Variants in ITSN1 observed in about 807,000 individuals in gnomAD.
The protein encoded by ITSN1 is intersectin 1, also known as intersectin-1.
A neutral mutation model predicts 239.8 loss-of-function variants in ITSN1; 58 were observed. The observed-to-expected ratio is 0.24, with a 90% CI of 0.20 to 0.30. The LOEUF (loss-of-function observed/expected upper bound fraction) is 0.30, where lower values mean the gene tolerates loss of function less well. ITSN1 is among the 10% of genes least tolerant of loss of function. ITSN1 has a pLI of 1.00. For synonymous variants in ITSN1, 780 were observed against 770.8 expected (o/e 1.01, Z -0.20); for missense variants, 1,558 against 2,103.3 (o/e 0.74, Z 5.07).
rs1986300385 is a variant in ITSN1, at chr21:33,890,674, TG to T, written c.*2375del. The T allele has an allele frequency of 6.6e-6, 1 of 152,176 alleles. No homozygotes were observed. Among genetic ancestry groups the T allele is most frequent in the African/African-American group, 2.4e-5 (1 of 41,440 alleles). The allele number at this position is 152,176 out of a possible 1,614,324, so 9.4% of individuals were successfully genotyped here. ...TGTCACAGGGATTGAGAAACATGGG[TG>T]ATGCATGGAGTCTCAAACCATTGGG... is the stretch of plus-strand genomic sequence containing the variant. On this transcript the variant is annotated 3_prime_UTR_variant, in exon 40 of 40. Coordinates refer to ENST00000381318, the MANE Select transcript of ITSN1 (RefSeq NM_003024.3).
At chr21:33,686,278 C>T (rs1477155417) in intron 1 of ITSN1, among the ~76,000 whole-genome samples, 3 of 151,862 alleles carry the variant, frequency 2.0e-5, no homozygotes, top group African/African-American at 7.3e-5. Flanking sequence ...AGCTTCTTTA[C>T]AGATAGGTGC....
At chr21:33,717,705 G>A (rs2065239020) in intron 1 of ITSN1, among the ~76,000 whole-genome samples, 2 of 150,692 alleles carry the variant, frequency 1.3e-5, no homozygotes, top group Admixed American at 6.7e-5. Flanking sequence ...ACAGGCGCCC[G>A]CCACCACGCC....
chr21:33,858,243 G>A (rs949182336), intron 30 of ITSN1, among the ~76,000 whole-genome samples: 2 of 152,216 alleles, frequency 1.3e-5, no homozygotes, highest in South Asian at 2.1e-4. Flanking sequence ...AGGAGCTGCC[G>A]CCTGGGCTGC....
At chr21:33,767,410 A>G (rs1370813057) in intron 10 of ITSN1, among the ~76,000 whole-genome samples, 1 of 152,172 alleles carries the variant, frequency 6.6e-6, no homozygotes, top group Non-Finnish European at 1.5e-5. Flanking sequence ...GCTCCCACTT[A>G]GTGCTCACCA....
At chr21:33,851,397 CT>C (rs1297384836) in intron 29 of ITSN1, among the ~76,000 whole-genome samples, 1 of 151,676 alleles carries the variant, frequency 6.6e-6, no homozygotes, top group East Asian at 1.9e-4. Context: ...TTTTTCTTTT[CT>C]TTTTTTTCTT....
At chr21:33,714,672 C>T (rs1042095330) in intron 1 of ITSN1, among the ~76,000 whole-genome samples, 1 of 152,086 alleles carries the variant, frequency 6.6e-6, no homozygotes, top group African/African-American at 2.4e-5. Flanking sequence ...TTAATGCCTT[C>T]AGTATCATAG....
chr21:33,824,564 C>T (rs549300725), intron 25 of ITSN1, among the ~76,000 whole-genome samples: 2 of 152,188 alleles, frequency 1.3e-5, no homozygotes, highest in East Asian at 3.9e-4. Context: ...CAGGAGTGAG[C>T]AAGTGGACAA....
At chr21:33,767,678 T>C (rs1161206028) in intron 10 of ITSN1, 35 bp from the exon 11 acceptor site, 1 of 1,229,914 alleles carries the variant, frequency 8.1e-7, no homozygotes, top group Non-Finnish European at 1.2e-6. Flanking sequence ...GACAGCTCTG[T>C]GTGAATCTAT....
intron 1 of ITSN1, among the ~76,000 whole-genome samples, chr21:33,676,925 A>G (rs1207968479): frequency 6.7e-6 from 1 of 148,982 alleles, no homozygotes; most frequent in African/African-American, 2.5e-5. Context: ...CAAACACTGC[A>G]TGTTCTCACT....
intron 27 of ITSN1, among the ~76,000 whole-genome samples, 184 bp downstream of exon 27, chr21:33,829,929 A>G (rs1031529923): frequency 1.4e-4 from 22 of 152,250 alleles, no homozygotes; most frequent in African/African-American, 5.3e-4. Flanking sequence ...AGCCGGTAAC[A>G]GATTTCTGAG....
intron 1 of ITSN1, among the ~76,000 whole-genome samples, chr21:33,709,300 C>G (rs901562975): frequency 3.9e-5 from 6 of 152,090 alleles, no homozygotes; most frequent in Non-Finnish European, 8.8e-5. Context: ...GTTTTCTTCG[C>G]AATATTTTGT....
At position 33,817,260 on chromosome 21, in the gene ITSN1, A is replaced by G. The variant is rs1481963493; in HGVS notation, c.2728-1007A>G. 3.1e-6 allele frequency: 4 copies of G among 1,304,168 alleles called. No individual in the cohort carries two copies. The East Asian group carries it at 1.7e-4, about 54-fold the overall frequency. 80.8% of individuals were successfully genotyped at this position (1,304,168 alleles called of 1,614,324 possible). On this transcript the variant is annotated intron_variant, in intron 22 of 39. Coordinates refer to ENST00000381318, the MANE Select transcript of ITSN1 (RefSeq NM_003024.3). ...ACTTCCTCCTCCACCCCTCCATGAGACTAGGCCACATGCAGCCCCGGATTG... is the reference window on the plus strand; with the variant it reads ...ACTTCCTCCTCCACCCCTCCATGAGGCTAGGCCACATGCAGCCCCGGATTG...
chr21:33,852,438 T>A (rs1978494911), intron 29 of ITSN1, among the ~76,000 whole-genome samples: 2 of 152,220 alleles, frequency 1.3e-5, no homozygotes, highest in African/African-American at 4.8e-5. Context: ...TCAGCATGTG[T>A]TTATGTATTA....
chr21:33,799,064 A>G (rs1168845871), intron 18 of ITSN1, among the ~76,000 whole-genome samples: 1 of 152,196 alleles, frequency 6.6e-6, no homozygotes, highest in Non-Finnish European at 1.5e-5. Flanking sequence ...TTTTCAGATA[A>G]GATAGGTATA....
chr21:33,794,797 A>C (rs951403606), intron 17 of ITSN1, among the ~76,000 whole-genome samples: 7 of 152,146 alleles, frequency 4.6e-5, no homozygotes, highest in Non-Finnish European at 8.8e-5. Flanking sequence ...CAGGGGTTGG[A>C]GTGCCTGGTT....
At chr21:33,833,217 T>A (rs1311529659) in intron 27 of ITSN1, among the ~76,000 whole-genome samples, 1 of 152,196 alleles carries the variant, frequency 6.6e-6, no homozygotes, top group Non-Finnish European at 1.5e-5. Flanking sequence ...TGTCCCTTCC[T>A]AACAGCATGG....
At chr21:33,763,603 T>C (rs1372581311) in intron 9 of ITSN1, among the ~76,000 whole-genome samples, 2 of 152,120 alleles carry the variant, frequency 1.3e-5, no homozygotes, top group Admixed American at 1.3e-4. Context: ...TGGTTGAGAA[T>C]TGCGGATCAG....
intron 24 of ITSN1, 62 bp downstream of exon 24, chr21:33,819,385 AATGAG>A: frequency 8.5e-7 from 1 of 1,170,770 alleles, no homozygotes; most frequent in Non-Finnish European, 1.3e-6. Context: ...AAATGTTTGA[AATGAG>A]ATTGAATTTC....
In ITSN1 at chr21:33,858,808, A is replaced by C; in HGVS notation, c.3890+16A>C. 1 of 1,543,318 alleles carries C rather than the reference A, an allele frequency of 6.5e-7. No individual in the cohort carries two copies. The highest frequency in any genetic ancestry group is 2.3e-5 in the East Asian group (1 of 44,390). Reference sequence around the variant, plus strand: ...AACTACTAAAGTAAGCCTCTCCTCTAATCCCCAGCCTGGCTTGGCCTCCTC... The same window carrying C: ...AACTACTAAAGTAAGCCTCTCCTCTCATCCCCAGCCTGGCTTGGCCTCCTC... On this transcript the variant is annotated intron_variant, in intron 31 of 39. Transcript: ENST00000381318.
Sources: gnomAD v4.1 joint callset for allele counts (sites outside exome capture counted in the v4.1 genomes callset) on GRCh38, gnomAD v4.1.1 for gene constraint, MANE v1.5 for transcripts, NCBI Gene and HGNC (gene_info 2026-07-23, HGNC 2026-07-21) for gene names.